NUAK1: variants seen among roughly 807,000 people sequenced by gnomAD.
NUAK1 encodes NUAK family kinase 1, also known as NUAK family SNF1-like kinase 1.
In NUAK1, 26 loss-of-function variants were observed where a neutral mutation model predicts 56.9. The observed-to-expected ratio is 0.46, with a 90% CI of 0.33 to 0.63. The LOEUF (loss-of-function observed/expected upper bound fraction) is 0.63. NUAK1 is among the 30% of genes least tolerant of loss of function. NUAK1 has a pLI of 0.02. For missense variants in NUAK1, 727 were observed against 876.1 expected (o/e 0.83, Z 2.15); for synonymous variants, 337 against 336.0 (o/e 1.00, Z -0.03).
In NUAK1 at chr12:106,138,825, G is replaced by T; in HGVS notation, c.-172C>A. On this transcript the variant is annotated 5_prime_UTR_variant, in exon 1 of 7. The change creates a premature stop within an existing upstream ORF in the 5' untranslated region. Coordinates refer to ENST00000261402, the MANE Select transcript of NUAK1 (RefSeq NM_014840.3). The surrounding 1 kb of genome is among the most constrained non-coding windows in gnomAD (Gnocchi z 5.0). ...TCGGTCACTGGCGGCGGCGGGGACT[G>T]CACATCTGGCGCCCGCGGCGCGCAC... 1.2e-6 allele frequency: 1 copy of T among 867,644 alleles called. No individual in the cohort carries two copies. The highest frequency in any genetic ancestry group is 1.6e-6 in the Non-Finnish European group (1 of 635,078). The allele number at this position is 867,644 out of a possible 1,614,324, so 53.7% of individuals were successfully genotyped here.
rs77739128 is a variant in NUAK1 at position 106,107,862 on chromosome 12, G to A, written c.241-1337C>T. 4.5e-3 allele frequency among the ~76,000 whole-genome samples: 684 copies of A among 152,346 alleles called. 13 individuals carry two copies. The highest frequency in any genetic ancestry group is 0.023 in the East Asian group (117 of 5,182). ...ATTGACCTCCCAAAAGACAGGTTAT[G>A]TCTGACTAGCAGCTCCTGGGATTTC... On this transcript the variant is annotated intron_variant, in intron 1 of 6. Coordinates refer to ENST00000261402, the MANE Select transcript of NUAK1 (RefSeq NM_014840.3).
intron 4 of NUAK1, among the ~76,000 whole-genome samples, chr12:106,077,740 C>T (rs1445689132): frequency 1.3e-5 from 2 of 152,150 alleles, no homozygotes; most frequent in Non-Finnish European, 2.9e-5. Flanking sequence ...CAGGCCCTGC[C>T]CCAGATCCAC....
At chr12:106,099,574 G>C (rs1285411277) in intron 2 of NUAK1, among the ~76,000 whole-genome samples, 1 of 152,096 alleles carries the variant, frequency 6.6e-6, no homozygotes, top group Admixed American at 6.5e-5. Flanking sequence ...ACCGAGTTCT[G>C]AGTGTTGCTG....
intron 2 of NUAK1, among the ~76,000 whole-genome samples, chr12:106,091,807 A>T (rs2436597): frequency 1.3e-5 from 2 of 151,922 alleles, no homozygotes; most frequent in Admixed American, 1.3e-4. Context: ...AGAATAGTTA[A>T]TATTTATTGA....
At chr12:106,079,099 C>A (rs560008716) in intron 4 of NUAK1, among the ~76,000 whole-genome samples, 17 of 152,216 alleles carry the variant, frequency 1.1e-4, no homozygotes, top group Non-Finnish European at 2.2e-4. Context: ...AGTCCCATCA[C>A]TTATTAGCTG....
In NUAK1 at chr12:106,138,524, G is replaced by A; in HGVS notation, c.130C>T (p.Arg44Trp). 6.2e-7 allele frequency: 1 copy of A among 1,612,988 alleles called. No homozygotes were observed. The highest frequency in any genetic ancestry group is 8.5e-7 in the Non-Finnish European group (1 of 1,179,810). Reference sequence around the variant, plus strand: ...TTCAAGTTGTGCTTGTGGTGATGCCGCTTCACCCCGTGCGGCTTCCTGGGC... The same window carrying A: ...TTCAAGTTGTGCTTGTGGTGATGCCACTTCACCCCGTGCGGCTTCCTGGGC... ...LEPRKPHGVK[R>W]HHHKHNLKHR... Residue 44 changes from arginine to tryptophan, a missense_variant, in exon 1 of 7, where the codon CGG becomes TGG. Arg to Trp is a moderately radical substitution (Grantham distance 101, BLOSUM62 -3). Coordinates refer to ENST00000261402, the MANE Select transcript of NUAK1 (RefSeq NM_014840.3). This position sits in a 1 kb window ranked among gnomAD's most constrained non-coding sequence, Gnocchi z 5.0.
rs141042349 is a variant in NUAK1, at chr12:106,067,720, C to T, written c.1068G>A (p.Thr356=). 3.4e-5 allele frequency: 55 copies of T among 1,614,194 alleles called. No individual in the cohort carries two copies. Among genetic ancestry groups the T allele is most frequent in the Admixed American group, 3.3e-4 (20 of 60,024 alleles). Residue 356 remains threonine, a synonymous_variant, in exon 7 of 7, where the codon ACG becomes ACA. Transcript: ENST00000261402. This position sits in a 1 kb window ranked among gnomAD's most constrained non-coding sequence, Gnocchi z 6.0. ...EAKMKGLAKP[T]TSEVMLERQR... ...GCCGCTCTAGCATGACCTCAGAGGTCGTGGGTTTGGCCAGGCCCTTCATTT... is the reference window on the plus strand; with the variant it reads ...GCCGCTCTAGCATGACCTCAGAGGTTGTGGGTTTGGCCAGGCCCTTCATTT...
intron 2 of NUAK1, among the ~76,000 whole-genome samples, chr12:106,089,392 G>C (rs2032611389): frequency 6.6e-6 from 1 of 152,182 alleles, no homozygotes; most frequent in Admixed American, 6.5e-5. Context: ...GGCTGATTTG[G>C]TATCAAGGAG....
At chr12:106,123,040 C>T (rs2032993509) in intron 1 of NUAK1, among the ~76,000 whole-genome samples, 1 of 152,160 alleles carries the variant, frequency 6.6e-6, no homozygotes, top group Admixed American at 6.5e-5. Context: ...GTATTTGTTC[C>T]ATTTGTTTGA....
At chr12:106,109,903 G>C (rs116714437) in intron 1 of NUAK1, among the ~76,000 whole-genome samples, 1,876 of 152,238 alleles carry the variant, frequency 0.012, 38 homozygotes, top group African/African-American at 0.043. Context: ...TCTGTAAGTA[G>C]AACCTTCCCT....
chr12:106,131,932 C>T (rs1180013995), intron 1 of NUAK1, among the ~76,000 whole-genome samples: 1 of 152,196 alleles, frequency 6.6e-6, no homozygotes, highest in Admixed American at 6.5e-5. Flanking sequence ...CCTCTCATTC[C>T]TGTGCTCTAC....
At position 106,072,674 on chromosome 12, in the gene NUAK1, C is replaced by T. The variant is rs573965631; in HGVS notation, c.699+50G>A. ...CGAATCCAGTTTTTGCCCTTCCTCC[C>T]TCTTCTCCCTCCCCTCCCCTGCCCC... On this transcript the variant is annotated intron_variant, in intron 5 of 6. Transcript: ENST00000261402. 16 of 1,564,852 alleles carry T rather than the reference C, an allele frequency of 1.0e-5. No homozygotes were observed. In the South Asian group the frequency reaches 1.9e-4, roughly 19 times the overall value.
intron 2 of NUAK1, among the ~76,000 whole-genome samples, chr12:106,105,497 C>A (rs1159679907): frequency 6.6e-6 from 1 of 152,018 alleles, no homozygotes; most frequent in African/African-American, 2.4e-5. Context: ...AAAACCTTTT[C>A]AAATGTCCTT....
chr12:106,085,091 G>C (rs960745171), intron 3 of NUAK1, among the ~76,000 whole-genome samples: 2 of 152,214 alleles, frequency 1.3e-5, no homozygotes, highest in South Asian at 2.1e-4. Flanking sequence ...GAGTCTGTTA[G>C]AAGAAAGATG....
intron 5 of NUAK1, among the ~76,000 whole-genome samples, chr12:106,072,146 G>A (rs1230492758): frequency 6.6e-6 from 1 of 152,148 alleles, no homozygotes; most frequent in Admixed American, 6.5e-5. Context: ...TATGCATGCT[G>A]CCAAAAATAT....
Position 106,138,741 on chromosome 12 carries a change from A to C in NUAK1, c.-88T>G. On this transcript the variant is annotated 5_prime_UTR_variant, in exon 1 of 7. Coordinates refer to ENST00000261402, the MANE Select transcript of NUAK1 (RefSeq NM_014840.3). The surrounding 1 kb of genome is among the most constrained non-coding windows in gnomAD (Gnocchi z 5.0). ...GGTCCCCACCGAGGGAAGCCGCTGT[A>C]CGCTCAAGGTCGCCCCCGCAGCATC... 1 of 1,419,696 alleles carries C rather than the reference A, an allele frequency of 7.0e-7. No homozygotes were observed. Among genetic ancestry groups the C allele is most frequent in the South Asian group, 1.5e-5 (1 of 65,950 alleles). The allele number at this position is 1,419,696 out of a possible 1,614,324, so 87.9% of individuals were successfully genotyped here. A position where few individuals can be genotyped will look rare whatever the true frequency, so the allele number is the denominator to read the frequency against.
chr12:106,097,035 G>A (rs1474200200), intron 2 of NUAK1, among the ~76,000 whole-genome samples: 1 of 152,174 alleles, frequency 6.6e-6, no homozygotes, highest in Non-Finnish European at 1.5e-5. Context: ...ACATCTCACT[G>A]ATCCCTAGAT....
At chr12:106,096,400 G>A (rs1188481925) in intron 2 of NUAK1, among the ~76,000 whole-genome samples, 2 of 152,118 alleles carry the variant, frequency 1.3e-5, no homozygotes, top group East Asian at 1.9e-4. Flanking sequence ...CATTAGAAAC[G>A]TGGCTGGACA....
intron 2 of NUAK1, among the ~76,000 whole-genome samples, chr12:106,089,409 A>G (rs773137820): frequency 9.2e-5 from 14 of 152,222 alleles, no homozygotes; most frequent in Non-Finnish European, 1.9e-4. Context: ...GGAGACACAA[A>G]CACAATTCGG....
Sources: gnomAD v4.1 joint callset for allele counts (sites outside exome capture counted in the v4.1 genomes callset) on GRCh38, gnomAD v4.1.1 for gene constraint, Gnocchi (gnomAD v3.1) non-coding constraint, MANE v1.5 for transcripts, NCBI Gene and HGNC (gene_info 2026-07-23, HGNC 2026-07-21) for gene names.